Variants in BBS9 observed in about 807,000 individuals in gnomAD.
The protein encoded by BBS9 is Bardet-Biedl syndrome 9, also known as protein PTHB1.
In BBS9, 89 loss-of-function variants were observed where a neutral mutation model predicts 117.7. The observed-to-expected ratio is 0.76, with a 90% CI of 0.64 to 0.90. The LOEUF is 0.90. Among genes scored for constraint, BBS9 ranks in the 40% least tolerant of loss-of-function variants. The probability of loss-of-function intolerance (pLI) is 0.00; values close to 1 mark genes in which losing one functional copy is unlikely to be tolerated. For synonymous variants in BBS9, 379 were observed against 370.9 expected (o/e 1.02, Z -0.25); for missense variants, 982 against 1,042.2 (o/e 0.94, Z 0.80).
At chr7:33,430,116 T>C (rs1834222682) in intron 19 of BBS9, among the ~76,000 whole-genome samples, 1 of 152,172 alleles carries the variant, frequency 6.6e-6, no homozygotes, top group Non-Finnish European at 1.5e-5. Flanking sequence ...GTTAGTTCTG[T>C]TACCAATAAG....
chr7:33,452,486 C>T (rs1432589564), intron 19 of BBS9, among the ~76,000 whole-genome samples: 1 of 152,128 alleles, frequency 6.6e-6, no homozygotes, highest in Non-Finnish European at 1.5e-5. Context: ...TGGAACTTTG[C>T]CTTTAATGTC....
chr7:33,515,957 G>A (rs912260818), intron 20 of BBS9, among the ~76,000 whole-genome samples: 3 of 152,158 alleles, frequency 2.0e-5, no homozygotes, highest in African/African-American at 7.2e-5. Context: ...TTTGCTCAAT[G>A]ATAAGTCATG....
At chr7:33,161,587 A>G (rs1380461991) in intron 4 of BBS9, among the ~76,000 whole-genome samples, 1 of 152,156 alleles carries the variant, frequency 6.6e-6, no homozygotes, top group Non-Finnish European at 1.5e-5. Flanking sequence ...ACATACGTAT[A>G]CATGTGTCTT....
intron 1 of BBS9, among the ~76,000 whole-genome samples, chr7:33,140,273 C>T (rs1791238516): frequency 6.6e-6 from 1 of 152,200 alleles, no homozygotes; most frequent in Non-Finnish European, 1.5e-5. Context: ...ATCTGCCTGC[C>T]TCGGCCTCCC....
At chr7:33,581,422 A>G (rs576928192) in intron 21 of BBS9, among the ~76,000 whole-genome samples, 1 of 152,196 alleles carries the variant, frequency 6.6e-6, no homozygotes, top group African/African-American at 2.4e-5. Flanking sequence ...GTTCCTGTAA[A>G]AACAGAGCTT....
At chr7:33,613,613 A>G (rs1449900222) in intron 21 of BBS9, among the ~76,000 whole-genome samples, 3 of 151,768 alleles carry the variant, frequency 2.0e-5, no homozygotes, top group African/African-American at 7.3e-5. Context: ...AGTGACAAAA[A>G]CCTCATTCGC....
chr7:33,189,169 C>T (rs904643547), intron 5 of BBS9, among the ~76,000 whole-genome samples: 8 of 152,026 alleles, frequency 5.3e-5, no homozygotes, highest in East Asian at 1.9e-4. Flanking sequence ...TACAGATGTG[C>T]GCTACCATGC....
intron 5 of BBS9, among the ~76,000 whole-genome samples, chr7:33,256,409 T>C (rs998480794): frequency 3.3e-5 from 5 of 150,920 alleles, no homozygotes; most frequent in Admixed American, 3.3e-4. Flanking sequence ...GGTTGATAAA[T>C]CTATTGTATC....
At chr7:33,536,072 G>A (rs1436866395) in intron 21 of BBS9, among the ~76,000 whole-genome samples, 1 of 151,914 alleles carries the variant, frequency 6.6e-6, no homozygotes, top group African/African-American at 2.4e-5. Flanking sequence ...AAAGGACAGA[G>A]AAAGAAGGAA....
chr7:33,220,469 C>G (rs1472342381), intron 5 of BBS9, among the ~76,000 whole-genome samples: 1 of 152,170 alleles, frequency 6.6e-6, no homozygotes, highest in Non-Finnish European at 1.5e-5. Context: ...TTGCTGTGTC[C>G]TATTGTGGTC....
At chr7:33,353,087 A>G (rs1354382769) in intron 15 of BBS9, among the ~76,000 whole-genome samples, 1 of 152,166 alleles carries the variant, frequency 6.6e-6, no homozygotes, top group African/African-American at 2.4e-5. Flanking sequence ...GAGTCATGAG[A>G]AAGAATGAAA....
At chr7:33,354,864 C>T (rs1040804047) in intron 15 of BBS9, among the ~76,000 whole-genome samples, 2 of 151,898 alleles carry the variant, frequency 1.3e-5, no homozygotes, top group South Asian at 4.1e-4. Flanking sequence ...TACGACTATC[C>T]ATTTCCTCTA....
At chr7:33,231,448 C>A (rs1792410412) in intron 5 of BBS9, among the ~76,000 whole-genome samples, 1 of 87,302 alleles carries the variant, frequency 1.1e-5, no homozygotes, top group Admixed American at 1.2e-4. Context: ...TTTTTTTTGC[C>A]AGGACCATAT....
At chr7:33,320,059 A>T (rs1424188347) in intron 9 of BBS9, among the ~76,000 whole-genome samples, 1 of 152,144 alleles carries the variant, frequency 6.6e-6, no homozygotes, top group South Asian at 2.1e-4. Flanking sequence ...CATCAAGGCA[A>T]TGGGGGTTTC....
chr7:33,530,869 G>T (rs1012072690), intron 20 of BBS9, among the ~76,000 whole-genome samples: 1 of 152,160 alleles, frequency 6.6e-6, no homozygotes, highest in African/African-American at 2.4e-5. Context: ...CCAATAGAGT[G>T]AAAAGTCCCG....
At chr7:33,537,548 C>T (rs113244704) in intron 21 of BBS9, among the ~76,000 whole-genome samples, 2,622 of 152,284 alleles carry the variant, frequency 0.017, 28 homozygotes, top group Middle Eastern at 0.048. Flanking sequence ...AATCTACTTT[C>T]GTTAAATATC....
chr7:33,457,578 A>G (rs1838828131), intron 19 of BBS9, among the ~76,000 whole-genome samples: 1 of 152,184 alleles, frequency 6.6e-6, no homozygotes, highest in Non-Finnish European at 1.5e-5. Flanking sequence ...TTACTTGTTG[A>G]TGGAATAAGA....
chr7:33,558,295 T>C (rs1296687076), intron 21 of BBS9, among the ~76,000 whole-genome samples: 1 of 151,994 alleles, frequency 6.6e-6, no homozygotes, highest in Non-Finnish European at 1.5e-5. Flanking sequence ...AGCAGGGTAG[T>C]GTGATAAGAG....
At chr7:33,595,414 C>T (rs1862579163) in intron 21 of BBS9, among the ~76,000 whole-genome samples, 1 of 152,060 alleles carries the variant, frequency 6.6e-6, no homozygotes, top group South Asian at 2.1e-4. Flanking sequence ...GACATTTATG[C>T]AGCCAACAAA....
Sources: gnomAD v4.1 joint callset for allele counts (sites outside exome capture counted in the v4.1 genomes callset) on GRCh38, gnomAD v4.1.1 for gene constraint, MANE v1.5 for transcripts, NCBI Gene and HGNC (gene_info 2026-07-23, HGNC 2026-07-21) for gene names.